ZSWIM6: variants seen among roughly 807,000 people sequenced by gnomAD.
ZSWIM6 encodes zinc finger SWIM domain-containing protein 6.
A neutral mutation model predicts 113.2 loss-of-function variants in ZSWIM6; 9 were observed. The ratio of observed to expected loss-of-function variants is 0.08; its 90% confidence interval spans 0.05 to 0.14. The LOEUF (loss-of-function observed/expected upper bound fraction) is 0.14, where lower values mean the gene tolerates loss of function less well. ZSWIM6 is among the 10% of genes least tolerant of loss of function. The pLI is 1.00. For synonymous variants in ZSWIM6, 611 were observed against 606.5 expected (o/e 1.01, Z -0.11); for missense variants, 1,162 against 1,552.2 (o/e 0.75, Z 4.22).
chr5:61,470,912 A>G (rs996823361), intron 1 of ZSWIM6, among the ~76,000 whole-genome samples: 27 of 152,174 alleles, frequency 1.8e-4, no homozygotes, highest in African/African-American at 6.5e-4. Flanking sequence ...ATTTCTTTCA[A>G]CTGTCTGGCC....
rs547500517 is a variant in ZSWIM6 at position 61,537,160 on chromosome 5, A to G, written c.2381+1541A>G. Among the ~76,000 whole-genome samples the G allele has an allele frequency of 1.3e-4, 20 of 152,348 alleles. No homozygotes were observed. The South Asian group carries it at 4.1e-3, about 32-fold the overall frequency. On this transcript the variant is annotated intron_variant, in intron 10 of 13. Transcript: ENST00000252744. Reference sequence around the variant, plus strand: ...TAAAGTTTCTGTGTGGTTCTGGCTTATGTAATGGTATGTGCCAGGCAGAAA... The same window carrying G: ...TAAAGTTTCTGTGTGGTTCTGGCTTGTGTAATGGTATGTGCCAGGCAGAAA...
At chr5:61,520,011 G>A (rs114831705) in intron 4 of ZSWIM6, among the ~76,000 whole-genome samples, 1,538 of 152,216 alleles carry the variant, frequency 0.01, 27 homozygotes, top group African/African-American at 0.035. Flanking sequence ...ATACTTGTTC[G>A]TCTGCCATTC....
At chr5:61,438,361 A>G (rs1329072162) in intron 1 of ZSWIM6, among the ~76,000 whole-genome samples, 2 of 152,208 alleles carry the variant, frequency 1.3e-5, no homozygotes, top group African/African-American at 4.8e-5. Context: ...CCTCATGACA[A>G]CCTAATGTAA....
At chr5:61,357,760 A>T (rs868358606) in intron 1 of ZSWIM6, among the ~76,000 whole-genome samples, 2 of 151,724 alleles carry the variant, frequency 1.3e-5, no homozygotes, top group Middle Eastern at 3.4e-3. Context: ...TGGAATAATC[A>T]TAGCTTTATG....
intron 1 of ZSWIM6, among the ~76,000 whole-genome samples, chr5:61,350,386 T>C (rs1744756610): frequency 1.3e-5 from 2 of 152,104 alleles, no homozygotes; most frequent in South Asian, 2.1e-4. Flanking sequence ...AAGGTGGTGT[T>C]TTTTGGGATT....
At chr5:61,540,742 C>G (rs1245951007) in intron 12 of ZSWIM6, among the ~76,000 whole-genome samples, 2 of 151,932 alleles carry the variant, frequency 1.3e-5, no homozygotes, top group Non-Finnish European at 2.9e-5. Context: ...TTAACATGAG[C>G]TCTCTTGTTA....
intron 1 of ZSWIM6, chr5:61,375,702 A>G: frequency 6.5e-7 from 1 of 1,547,884 alleles, no homozygotes; most frequent in Non-Finnish European, 8.7e-7. Context: ...CCTTGTCAGA[A>G]TCAGAGTATA....
intron 1 of ZSWIM6, among the ~76,000 whole-genome samples, chr5:61,450,877 C>T (rs957215497): frequency 6.6e-6 from 1 of 152,124 alleles, no homozygotes; most frequent in African/African-American, 2.4e-5. Flanking sequence ...TTTGGGAATA[C>T]TTGAGTAGTC....
intron 1 of ZSWIM6, among the ~76,000 whole-genome samples, chr5:61,462,475 G>A (rs907589051): frequency 2.6e-5 from 4 of 152,056 alleles, no homozygotes; most frequent in Admixed American, 2.6e-4. Flanking sequence ...TGTAAAATTG[G>A]AACAACAGAA....
At chr5:61,394,229 G>A (rs1745792130) in intron 1 of ZSWIM6, among the ~76,000 whole-genome samples, 1 of 152,242 alleles carries the variant, frequency 6.6e-6, no homozygotes, top group Non-Finnish European at 1.5e-5. Flanking sequence ...GGAAGTGCTA[G>A]TGCAGTGTCT....
chr5:61,393,598 C>G (rs1404191957), intron 1 of ZSWIM6, among the ~76,000 whole-genome samples: 3 of 151,864 alleles, frequency 2.0e-5, no homozygotes, highest in Admixed American at 6.6e-5. Context: ...TTAGGCCGGG[C>G]GTGGTGGCGC....
intron 5 of ZSWIM6, among the ~76,000 whole-genome samples, chr5:61,523,528 T>C (rs1053458682): frequency 3.3e-5 from 5 of 152,246 alleles, no homozygotes; most frequent in African/African-American, 1.2e-4. Context: ...AATCAGCATG[T>C]ATTACTATTT....
intron 1 of ZSWIM6, among the ~76,000 whole-genome samples, chr5:61,348,109 T>C (rs940954898): frequency 6.6e-6 from 1 of 152,052 alleles, no homozygotes. Context: ...TAGTCCCAGC[T>C]ACTCGGGAGG....
At chr5:61,477,095 C>A (rs1193213369) in intron 2 of ZSWIM6, among the ~76,000 whole-genome samples, 13 of 152,132 alleles carry the variant, frequency 8.5e-5, no homozygotes, top group Admixed American at 8.5e-4. Context: ...GATTGCTTTC[C>A]CTGACTTTCT....
At chr5:61,341,037 T>C (rs1193754001) in intron 1 of ZSWIM6, among the ~76,000 whole-genome samples, 1 of 152,262 alleles carries the variant, frequency 6.6e-6, no homozygotes, top group Non-Finnish European at 1.5e-5. Flanking sequence ...CACTATGTCA[T>C]TGATGAGAAA....
intron 1 of ZSWIM6, among the ~76,000 whole-genome samples, chr5:61,354,003 C>G (rs990581859): frequency 7.2e-5 from 11 of 152,192 alleles, no homozygotes; most frequent in African/African-American, 2.7e-4. Flanking sequence ...GCTTAAAGAC[C>G]TAACTCTTAG....
intron 1 of ZSWIM6, among the ~76,000 whole-genome samples, chr5:61,465,280 G>A (rs1286951106): frequency 1.3e-5 from 2 of 152,084 alleles, no homozygotes; most frequent in South Asian, 2.1e-4. Context: ...CAGAATTTGA[G>A]GCTAGACAAT....
intron 5 of ZSWIM6, among the ~76,000 whole-genome samples, chr5:61,523,699 A>G (rs917153828): frequency 1.3e-5 from 2 of 152,310 alleles, no homozygotes; most frequent in Middle Eastern, 3.4e-3. Context: ...AGTCAAACCA[A>G]ATTTTTAATT....
In ZSWIM6 at chr5:61,535,186, G is replaced by A. The variant is rs182302635; in HGVS notation, c.2246-298G>A. Among the ~76,000 whole-genome samples, 8 of 152,256 alleles carry A rather than the reference G, an allele frequency of 5.3e-5. No homozygotes were observed. In the South Asian group the frequency reaches 1.0e-3, roughly 20 times the overall value. ...TTGCTCAAATGCAGCAAGGTTTTAC[G>A]CTATAGAGGGTTCCTTTCTCTGAGG... On this transcript the variant is annotated intron_variant, in intron 9 of 13. Transcript: ENST00000252744.
Sources: allele counts gnomAD v4.1 joint callset (sites outside exome capture counted in the v4.1 genomes callset), GRCh38; gene constraint gnomAD v4.1.1; transcripts MANE v1.5; gene names NCBI Gene and HGNC (gene_info 2026-07-23, HGNC 2026-07-21).